The following ZNF185 variants were observed in gnomAD, a reference collection of about 807,000 sequenced individuals.
ZNF185 encodes the protein zinc finger protein 185.
A neutral mutation model predicts 58.6 loss-of-function variants in ZNF185; 56 were observed. That is an observed-to-expected ratio of 0.95 (90% CI 0.77 to 1.19). The LOEUF (loss-of-function observed/expected upper bound fraction) is 1.19. Ranked by LOEUF, ZNF185 falls within the 50% of genes most tolerant of loss-of-function variation. The pLI is 0.00. For synonymous variants in ZNF185, 230 were observed against 215.9 expected (o/e 1.07, Z -0.57); for missense variants, 627 against 573.5 (o/e 1.09, Z -0.95).
exon 12 of ZNF185, chrX:152,928,610 T>C (rs1556874693): frequency 1.7e-6 from 2 of 1,211,892 alleles, no homozygotes; most frequent in South Asian, 3.5e-5. Flanking sequence ...CTGCAGATCC[T>C]GACACCCAGG....
exon 2 of ZNF185, chrX:152,914,828 C>A: frequency 8.4e-7 from 1 of 1,183,491 alleles, no homozygotes; most frequent in Non-Finnish European, 1.1e-6. Flanking sequence ...CGGAGGGTCG[C>A]ACCATGTAAG....
At chrX:152,963,987 C>T in intron 18 of ZNF185, 38 bp downstream of exon 20, 1 of 1,145,026 alleles carries the variant, frequency 8.7e-7, no homozygotes, top group Non-Finnish European at 1.2e-6. Flanking sequence ...AGATGTTCCT[C>T]CGCCACTTCC....
intron 19 of ZNF185, among the ~76,000 whole-genome samples, chrX:152,966,133 T>C (rs1281539176): frequency 9.1e-6 from 1 of 110,374 alleles, no homozygotes; most frequent in Admixed American, 9.6e-5. Flanking sequence ...TTAGCCTCCC[T>C]AGTAGCTGGG....
chrX:152,960,108 C>G lies in ZNF185; in HGVS notation c.1607+212C>G, dbSNP rs782437320. ...GAGCCATAGCATCAAATCTGTTAGA[C>G]TAAGTCTGGCACAGAAAGGATGCAC... On this transcript the variant is annotated intron_variant, in intron 17 of 22. Transcript: ENST00000449285. Among the ~76,000 whole-genome samples, 4 of 112,178 alleles carry G rather than the reference C, an allele frequency of 3.6e-5. No individual in the cohort carries two copies. In the South Asian group the frequency reaches 1.5e-3, roughly 41 times the overall value.
In ZNF185 at chrX:152,915,343, T is replaced by C. The variant is rs1437627646; in HGVS notation, c.224+140T>C. 5 of 590,112 alleles carry C rather than the reference T, an allele frequency of 8.5e-6. No homozygotes were observed. In the African/African-American group the frequency reaches 9.2e-5, roughly 11 times the overall value. 48.6% of individuals were successfully genotyped at this position (590,112 alleles called of 1,213,427 possible). A position where few individuals can be genotyped will look rare whatever the true frequency, so the allele number is the denominator to read the frequency against. On this transcript the variant is annotated intron_variant, in intron 3 of 22. Transcript: ENST00000449285. The stretch of plus-strand genomic sequence containing the variant: ...CAGCCAAGGGTCTGCAATGAGTAAT[T>C]TGAAATCTGCAGGAAGGAGGGGCTT...
At chrX:152,934,611 G>A (rs2046050479) in intron 14 of ZNF185, among the ~76,000 whole-genome samples, 1 of 111,776 alleles carries the variant, frequency 8.9e-6, no homozygotes. Context: ...ATAAAATGGT[G>A]TAGCATTTGC....
chrX:152,951,496 C>T (rs2048311978), intron 16 of ZNF185, among the ~76,000 whole-genome samples: 3 of 111,029 alleles, frequency 2.7e-5, no homozygotes, highest in Non-Finnish European at 5.7e-5. Flanking sequence ...TCTCTTTTTC[C>T]TTAGGAAAAG....
At chrX:152,942,015 GA>G (rs1840535955) in intron 15 of ZNF185, among the ~76,000 whole-genome samples, 5 of 112,354 alleles carry the variant, frequency 4.5e-5, no homozygotes, top group African/African-American at 1.3e-4. Context: ...TGCCCAGGGG[GA>G]GGGGGTGTGG....
intron 16 of ZNF185, 135 bp from the exon 19 acceptor site, chrX:152,959,564 T>G (rs1343501865): frequency 1.4e-5 from 10 of 708,368 alleles, no homozygotes; most frequent in Non-Finnish European, 1.8e-5. Flanking sequence ...GGATTGTGCC[T>G]CCTTCCTGTC....
intron 11 of ZNF185, among the ~76,000 whole-genome samples, chrX:152,927,400 GCAGC>G (rs1420642493): frequency 1.3e-4 from 15 of 111,217 alleles, no homozygotes; most frequent in Non-Finnish European, 3.8e-5. Flanking sequence ...ACAGAGATGA[GCAGC>G]CCGCTGACCC....
At chrX:152,963,695 C>T (rs2049799944) in intron 17 of ZNF185, 144 bp from the exon 20 acceptor site, 1 of 481,028 alleles carries the variant, frequency 2.1e-6, no homozygotes, top group Non-Finnish European at 3.4e-6. Flanking sequence ...GTTTGCTTAT[C>T]TGTAAAGTGA....
At chrX:152,938,129 G>A in exon 15 of ZNF185, 1 of 1,185,964 alleles carries the variant, frequency 8.4e-7, no homozygotes, top group South Asian at 1.9e-5. Flanking sequence ...CAACAGCACA[G>A]CAGCCCAGGA....
intron 15 of ZNF185, among the ~76,000 whole-genome samples, chrX:152,944,517 G>C (rs782052129): frequency 5.4e-4 from 61 of 112,497 alleles, no homozygotes; most frequent in African/African-American, 2.0e-3. Context: ...TTGCACCTCG[G>C]TGTGGGGCTG....
At chrX:152,966,160 A>T (rs2050091646) in intron 19 of ZNF185, among the ~76,000 whole-genome samples, 1 of 109,735 alleles carries the variant, frequency 9.1e-6, no homozygotes, top group Admixed American at 9.7e-5. Flanking sequence ...GGCGCCCACC[A>T]CCATGCCCAG....
chrX:152,905,017 C>A, the ZNF185 span, among the ~76,000 whole-genome samples: 10 of 112,782 alleles, frequency 8.9e-5, no homozygotes, highest in Non-Finnish European at 7.5e-5. Flanking sequence ...CGTCCAGTGA[C>A]TAAAACCCAG....
chrX:152,934,000 G>T (rs1037556293), intron 14 of ZNF185, among the ~76,000 whole-genome samples: 1 of 112,750 alleles, frequency 8.9e-6, no homozygotes, highest in East Asian at 2.8e-4. Flanking sequence ...CCAAGGAGAG[G>T]CCACCAGAGA....
At chrX:152,900,287 C>T in the ZNF185 span, among the ~76,000 whole-genome samples, 3 of 112,891 alleles carry the variant, frequency 2.7e-5, no homozygotes, top group Non-Finnish European at 5.6e-5. Flanking sequence ...AGCAAACTCC[C>T]CCAATTCTGG....
At chrX:152,905,723 G>C in the ZNF185 span, among the ~76,000 whole-genome samples, 1 of 107,881 alleles carries the variant, frequency 9.3e-6, no homozygotes, top group Non-Finnish European at 1.9e-5. Context: ...TGGGGGGGGG[G>C]CGGGGTCACA....
chrX:152,922,213 C>G (rs1939874717), exon 10 of ZNF185: 1 of 1,194,256 alleles, frequency 8.4e-7, no homozygotes, highest in African/African-American at 1.7e-5. Flanking sequence ...TGAGAAGAGC[C>G]AGGACCCACC....
Sources: gnomAD v4.1 joint callset for allele counts (sites outside exome capture counted in the v4.1 genomes callset) on GRCh38, gnomAD v4.1.1 for gene constraint, MANE v1.5 for transcripts, NCBI Gene and HGNC (gene_info 2026-07-23, HGNC 2026-07-21) for gene names.